The following EPB41L2 variants were observed in gnomAD, a reference collection of about 807,000 sequenced individuals.
The protein encoded by EPB41L2 is erythrocyte membrane protein band 4.1 like 2.
EPB41L2 carries 43 observed loss-of-function variants against 113.0 expected under a neutral mutation model. The observed-to-expected ratio is 0.38, with a 90% CI of 0.30 to 0.49. EPB41L2 has a LOEUF of 0.49. Ranked by LOEUF, EPB41L2 falls within the 20% of genes least tolerant of loss-of-function variation. The pLI, the probability that EPB41L2 is intolerant of heterozygous loss-of-function variation, is 0.95. For synonymous variants in EPB41L2, 442 were observed against 436.7 expected, an observed-to-expected ratio of 1.01 and a Z score of -0.15; for missense variants, 1,147 against 1,223.4, an observed-to-expected ratio of 0.94 and a Z score of 0.93.
At position 130,918,833 on chromosome 6, in the gene EPB41L2, A is replaced by C. The variant is rs541428906; in HGVS notation, c.810+7772T>G. ...CATGGAAAGGAAAGATCCTTACATC[A>C]TTATATTCTGTTGTTAAAACTGCAT... is the stretch of plus-strand genomic sequence containing the variant. On this transcript the variant is annotated intron_variant, in intron 4 of 19. Coordinates refer to ENST00000337057, the MANE Select transcript of EPB41L2 (RefSeq NM_001431.4). Among the ~76,000 whole-genome samples, 5 of 152,304 alleles carry C rather than the reference A, an allele frequency of 3.3e-5. No homozygotes were observed. The East Asian group carries it at 9.6e-4, about 29-fold the overall frequency.
chr6:131,054,987 G>C (rs1283641254), intron 1 of EPB41L2, among the ~76,000 whole-genome samples: 1 of 152,182 alleles, frequency 6.6e-6, no homozygotes, highest in East Asian at 1.9e-4. Flanking sequence ...ATTCCTTCTG[G>C]GTGGCATACG....
At chr6:130,894,078 G>T (rs961926274) in intron 10 of EPB41L2, among the ~76,000 whole-genome samples, 2 of 151,868 alleles carry the variant, frequency 1.3e-5, no homozygotes, top group African/African-American at 4.8e-5. Flanking sequence ...GGCAAGGAGG[G>T]GAGAAAAGAG....
chr6:131,047,035 G>A (rs1257789208), intron 1 of EPB41L2, among the ~76,000 whole-genome samples: 4 of 152,114 alleles, frequency 2.6e-5, no homozygotes, highest in East Asian at 3.9e-4. Context: ...GGTTCAAACC[G>A]CTGCTCCACC....
intron 1 of EPB41L2, among the ~76,000 whole-genome samples, chr6:130,993,066 T>C (rs576308372): frequency 2.6e-5 from 4 of 152,324 alleles, no homozygotes; most frequent in Admixed American, 1.3e-4. Flanking sequence ...ATACCAAAGA[T>C]AGCTCCTTAA....
rs66505919 is a variant in EPB41L2, at chr6:130,937,821, G to GAAAAA, written c.706-11117_706-11113dup. 6.3e-3 allele frequency among the ~76,000 whole-genome samples: 813 copies of GAAAAA among 129,818 alleles called. 17 individuals carry two copies. The highest frequency in any genetic ancestry group is 0.026 in the African/African-American group (783 of 29,574). 85.2% of individuals were successfully genotyped at this position (129,818 alleles called of 152,430 possible). A position where few individuals can be genotyped will look rare whatever the true frequency, so the allele number is the denominator to read the frequency against. The stretch of plus-strand genomic sequence containing the variant: ...ACAGAGTGAGACTCCATCTCAAAAA[G>GAAAAA]AAAAAAAAAAAAAAGATTAACACAG... On this transcript the variant is annotated intron_variant, in intron 3 of 19. Transcript: ENST00000337057.
At chr6:131,005,699 C>T (rs1785348292) in intron 1 of EPB41L2, among the ~76,000 whole-genome samples, 1 of 152,192 alleles carries the variant, frequency 6.6e-6, no homozygotes, top group Non-Finnish European at 1.5e-5. Context: ...TTTTTTCTCA[C>T]TATCTCAGTT....
chr6:130,849,012 T>C (rs1405522080), intron 19 of EPB41L2, among the ~76,000 whole-genome samples: 2 of 152,064 alleles, frequency 1.3e-5, no homozygotes, highest in Non-Finnish European at 2.9e-5. Context: ...AAACACAGCC[T>C]AGGACAGGGT....
chr6:130,858,193 C>A lies in EPB41L2; in HGVS notation c.2961G>T (p.Ser987=), dbSNP rs761915215. ...CTTTGTGTACCACCACTCTTGTGAC[C>A]GACATGTCAGGGTGCTGCTCTCTGG... ...REAREQHPDM[S]VTRVVVHKET... The change falls in exon 19 of 20, where the codon TCG becomes TCT. Residue 987 remains serine (S), a synonymous_variant. Transcript: ENST00000337057. 1 of 1,613,906 alleles carries A rather than the reference C, an allele frequency of 6.2e-7. No homozygotes were observed. Among genetic ancestry groups the A allele is most frequent in the Non-Finnish European group, 8.5e-7 (1 of 1,179,906 alleles).
intron 16 of EPB41L2, among the ~76,000 whole-genome samples, chr6:130,866,465 A>G (rs1329130739): frequency 1.3e-5 from 2 of 152,156 alleles, no homozygotes; most frequent in Non-Finnish European, 2.9e-5. Flanking sequence ...TGGGTCATGC[A>G]CCTGTATGTC....
At chr6:131,029,771 C>A (rs1382762765) in intron 1 of EPB41L2, among the ~76,000 whole-genome samples, 1 of 152,164 alleles carries the variant, frequency 6.6e-6, no homozygotes, top group Non-Finnish European at 1.5e-5. Context: ...TGCTATCAAA[C>A]AGTTGAAAGT....
chr6:130,885,861 C>T (rs998843278), intron 11 of EPB41L2, among the ~76,000 whole-genome samples: 3 of 152,182 alleles, frequency 2.0e-5, no homozygotes, highest in Admixed American at 6.5e-5. Flanking sequence ...TGCCTTAACA[C>T]GAACTATGGT....
At chr6:130,972,360 A>G (rs1294201318) in intron 1 of EPB41L2, among the ~76,000 whole-genome samples, 1 of 144,244 alleles carries the variant, frequency 6.9e-6, no homozygotes, top group East Asian at 1.9e-4. Flanking sequence ...GAAATGACTA[A>G]AAATAAGATA....
intron 19 of EPB41L2, among the ~76,000 whole-genome samples, chr6:130,846,866 T>A (rs993486813): frequency 2.6e-5 from 4 of 152,212 alleles, no homozygotes; most frequent in Admixed American, 6.5e-5. Context: ...TTTATAGATG[T>A]TCCTATGATA....
intron 3 of EPB41L2, among the ~76,000 whole-genome samples, chr6:130,942,959 G>A (rs1811402475): frequency 6.6e-6 from 1 of 152,172 alleles, no homozygotes; most frequent in Admixed American, 6.5e-5. Context: ...GTATTCTACG[G>A]TGTATATGTG....
intron 3 of EPB41L2, among the ~76,000 whole-genome samples, chr6:130,952,590 G>A (rs1470093594): frequency 3.3e-5 from 5 of 152,038 alleles, no homozygotes; most frequent in Non-Finnish European, 5.9e-5. Context: ...CAAGGTGGGC[G>A]GATCACGAGG....
At chr6:130,854,594 T>TA (rs1779679673) in intron 19 of EPB41L2, among the ~76,000 whole-genome samples, 1 of 152,190 alleles carries the variant, frequency 6.6e-6, no homozygotes, top group South Asian at 2.1e-4. Flanking sequence ...TGGTAACGCT[T>TA]AGAGTGTCAC....
intron 1 of EPB41L2, among the ~76,000 whole-genome samples, chr6:131,038,978 AT>A (rs909018076): frequency 4.6e-5 from 7 of 151,674 alleles, no homozygotes; most frequent in South Asian, 2.1e-4. Flanking sequence ...CAAAACCAAC[AT>A]TTTTTTTTAA....
At chr6:131,018,227 CT>C (rs1288009135) in intron 1 of EPB41L2, among the ~76,000 whole-genome samples, 1 of 152,158 alleles carries the variant, frequency 6.6e-6, no homozygotes, top group East Asian at 1.9e-4. Flanking sequence ...ATTTTCACCT[CT>C]GCAAGACAGC....
intron 11 of EPB41L2, among the ~76,000 whole-genome samples, chr6:130,889,153 T>A (rs562998359): frequency 2.6e-5 from 4 of 151,994 alleles, no homozygotes; most frequent in African/African-American, 9.6e-5. Context: ...AATACAATTT[T>A]CAAATTTAGT....
Sources: gnomAD v4.1 joint callset for allele counts (sites outside exome capture counted in the v4.1 genomes callset) on GRCh38, gnomAD v4.1.1 for gene constraint, MANE v1.5 for transcripts, NCBI Gene and HGNC (gene_info 2026-07-23, HGNC 2026-07-21) for gene names.